Variants in ABCC3 observed in about 807,000 individuals in gnomAD.
ABCC3 encodes ATP-binding cassette sub-family C member 3.
ABCC3 carries 121 observed loss-of-function variants against 165.3 expected under a neutral mutation model. That is an observed-to-expected ratio of 0.73 (90% CI 0.63 to 0.85). ABCC3 has a LOEUF of 0.85. Among genes scored for constraint, ABCC3 ranks in the 40% least tolerant of loss-of-function variants. The pLI, the probability that ABCC3 is intolerant of heterozygous loss-of-function variation, is 0.00. For synonymous variants in ABCC3, 733 were observed against 810.1 expected (o/e 0.90, Z 1.62); for missense variants, 1,869 against 1,964.1 (o/e 0.95, Z 0.92).
intron 17 of ABCC3, among the ~76,000 whole-genome samples, chr17:50,670,193 G>A (rs967417784): frequency 4.0e-5 from 6 of 151,802 alleles, no homozygotes; most frequent in Non-Finnish European, 8.8e-5. Flanking sequence ...AGCAATTCTC[G>A]TGTCTCAGCC....
Position 50,660,969 on chromosome 17 carries a change from G to A in ABCC3, c.853G>A (p.Glu285Lys), listed in dbSNP as rs143968667. ...APGKNASGED[E>K]VLLGARPRPR... ...TGGGAAAAATGCCTCCGGCGAGGAC[G>A]AGGTGCTGCTGGGTGCCCGGCCCAG... Residue 285 changes from glutamate to lysine, a missense_variant, in exon 8 of 31, where the codon GAG (glutamate) becomes AAG (lysine). Physicochemically the swap from Glu to Lys is moderately conservative, Grantham distance 56 (BLOSUM62 1). Coordinates refer to ENST00000285238, the MANE Select transcript of ABCC3 (RefSeq NM_003786.4). The A allele has an allele frequency of 1.8e-4, 289 of 1,613,498 alleles. No individual in the cohort carries two copies. In the African/African-American group the frequency reaches 2.3e-3, roughly 13 times the overall value.
At chr17:50,678,644 T>A (rs1967875063) in intron 25 of ABCC3, among the ~76,000 whole-genome samples, 1 of 152,060 alleles carries the variant, frequency 6.6e-6, no homozygotes, top group Non-Finnish European at 1.5e-5. Context: ...GAAGAGGGAC[T>A]GGGTGCAGTG....
chr17:50,658,750 G>A (rs1597848309), intron 6 of ABCC3, among the ~76,000 whole-genome samples: 1 of 152,254 alleles, frequency 6.6e-6, no homozygotes, highest in African/African-American at 2.4e-5. Context: ...GACAGGCCCA[G>A]GAGGCTGGAA....
At position 50,684,019 on chromosome 17, in the gene ABCC3, C is replaced by T. The variant is rs778493891; in HGVS notation, c.4025C>T (p.Ala1342Val). The change falls in exon 28 of 31, where the codon GCG (alanine) becomes GTG (valine). Residue 1342 changes from alanine (A) to valine (V), a missense_variant. Coordinates refer to ENST00000285238, the MANE Select transcript of ABCC3 (RefSeq NM_003786.4). ...MTLCLFRILE[A>V]AKGEIRIDGL... ...CTTTGCCTGTTCCGCATCCTGGAGG[C>T]GGCAAAGGGTGAAATCCGCATTGAT... 8.7e-6 allele frequency: 14 copies of T among 1,612,780 alleles called. No homozygotes were observed. The highest frequency in any genetic ancestry group is 6.7e-5 in the East Asian group (3 of 44,824).
chr17:50,654,138 G>A lies in ABCC3; in HGVS notation c.46-1694G>A, dbSNP rs1967173881. Among the ~76,000 whole-genome samples the A allele has an allele frequency of 2.0e-5, 3 of 152,162 alleles. No homozygotes were observed. The South Asian group carries it at 6.2e-4, about 32-fold the overall frequency. ...GAAAAAAGAAAATTCAAAGATGTAT[G>A]AGCATGCATAACTTTGATAAAAATA... is the stretch of plus-strand genomic sequence containing the variant. On this transcript the variant is annotated intron_variant, in intron 1 of 30. Coordinates refer to ENST00000285238, the MANE Select transcript of ABCC3 (RefSeq NM_003786.4).
intron 4 of ABCC3, among the ~76,000 whole-genome samples, chr17:50,657,879 G>T (rs558524357): frequency 1.1e-4 from 16 of 152,326 alleles, no homozygotes; most frequent in African/African-American, 3.4e-4. Flanking sequence ...ACCTGGCACA[G>T]GTGCCACACC....
At chr17:50,668,351 G>A in intron 13 of ABCC3, 79 bp from the exon 14 acceptor site, 2 of 1,289,496 alleles carry the variant, frequency 1.6e-6, no homozygotes, top group East Asian at 4.6e-5. Context: ...CCTAGCCCAG[G>A]ATGCTGGGGA....
intron 26 of ABCC3, 72 bp from the exon 27 acceptor site, chr17:50,683,538 G>A (rs896279723): frequency 9.6e-6 from 14 of 1,455,998 alleles, no homozygotes; most frequent in African/African-American, 1.4e-5. Context: ...GGGGCCTTGG[G>A]GGAGAGAGAC....
At chr17:50,656,994 G>A in intron 3 of ABCC3, 52 bp from the exon 4 acceptor site, 1 of 1,575,548 alleles carries the variant, frequency 6.3e-7, no homozygotes, top group Non-Finnish European at 8.6e-7. Context: ...AGAAATGGAG[G>A]CAGGTCCAGA....
intron 3 of ABCC3, 73 bp downstream of exon 3, chr17:50,656,900 G>C (rs1243514056): frequency 6.4e-7 from 1 of 1,550,536 alleles, no homozygotes; most frequent in African/African-American, 1.4e-5. Context: ...GGGAAACTGT[G>C]GGCTCTGAGG....
chr17:50,687,448 C>G, intron 29 of ABCC3, 88 bp from the exon 30 acceptor site: 1 of 1,329,054 alleles, frequency 7.5e-7, no homozygotes, highest in Non-Finnish European at 1.0e-6. Context: ...CAGTCCTGGG[C>G]CACTGAGGAG....
intron 19 of ABCC3, among the ~76,000 whole-genome samples, chr17:50,674,752 C>T (rs895201037): frequency 4.0e-5 from 6 of 151,708 alleles, no homozygotes; most frequent in Non-Finnish European, 5.9e-5. Flanking sequence ...CTGTGCCCCT[C>T]GCTCACACAC....
intron 1 of ABCC3, among the ~76,000 whole-genome samples, chr17:50,638,418 C>T (rs1400817624): frequency 1.3e-5 from 2 of 152,204 alleles, no homozygotes; most frequent in Non-Finnish European, 2.9e-5. Context: ...AAGTAGTGAG[C>T]TCCCTGTCAC....
rs370298550 is a variant in ABCC3, at chr17:50,659,233, C to G, written c.675-4C>G. The G allele has an allele frequency of 7.6e-5, 123 of 1,613,478 alleles. No individual in the cohort carries two copies. The Middle Eastern group carries it at 8.4e-4, about 11-fold the overall frequency. ...GCTGCCTGCCGGGCTTCACCTCCCCCCAGGATGGCCATCTATGGCTACCGG... is the reference window on the plus strand; with the variant it reads ...GCTGCCTGCCGGGCTTCACCTCCCCGCAGGATGGCCATCTATGGCTACCGG... On this transcript the variant is annotated splice_polypyrimidine_tract_variant and splice_region_variant and intron_variant, in intron 6 of 30. Transcript: ENST00000285238.
chr17:50,668,400 TCTCTAGGG>T (rs775289977), intron 13 of ABCC3, 22 bp from the exon 14 acceptor site: 7 of 1,597,944 alleles, frequency 4.4e-6, no homozygotes, highest in Non-Finnish European at 5.1e-6. Context: ...GAAAGTACAG[TCTCTAGGG>T]CTGACTCACA....
At chr17:50,685,448 A>T (rs1433586050) in intron 29 of ABCC3, among the ~76,000 whole-genome samples, 1 of 152,242 alleles carries the variant, frequency 6.6e-6, no homozygotes, top group African/African-American at 2.4e-5. Flanking sequence ...CCAATAAAAA[A>T]CAAAGCAAGT....
Position 50,658,668 on chromosome 17 carries a change from A to C in ABCC3, c.674+172A>C. ...GGGAAGTGGTCTGGGAGGGGGACCA[A>C]ATGCAGAGGCCTGGCCTGGCCCAGT... On this transcript the variant is annotated intron_variant, in intron 6 of 30. Transcript: ENST00000285238. The C allele has an allele frequency of 4.1e-6, 3 of 731,922 alleles. No homozygotes were observed. The South Asian group carries it at 5.0e-5, about 12-fold the overall frequency. 45.3% of individuals were successfully genotyped at this position (731,922 alleles called of 1,614,324 possible). A position where few individuals can be genotyped will look rare whatever the true frequency, so the allele number is the denominator to read the frequency against.
At chr17:50,635,364 T>C (rs996691912) in intron 1 of ABCC3, 2 of 647,978 alleles carry the variant, frequency 3.1e-6, no homozygotes, top group Admixed American at 4.4e-5. Context: ...TGGAGGGTCT[T>C]CCCTCAGCAT....
At chr17:50,688,141 C>A (rs1045274531) in intron 30 of ABCC3, among the ~76,000 whole-genome samples, 1 of 151,954 alleles carries the variant, frequency 6.6e-6, no homozygotes, top group African/African-American at 2.4e-5. Flanking sequence ...AACTCCTGAC[C>A]TCAAGTGATC....
Sources: gnomAD v4.1 joint callset for allele counts (sites outside exome capture counted in the v4.1 genomes callset) on GRCh38, gnomAD v4.1.1 for gene constraint, MANE v1.5 for transcripts, NCBI Gene and HGNC (gene_info 2026-07-23, HGNC 2026-07-21) for gene names.